Variants in PRKG1 observed in about 807,000 individuals in gnomAD.
PRKG1 encodes the protein protein kinase cGMP-dependent 1, also known as cGMP-dependent protein kinase 1.
Under a neutral mutation model 88.1 loss-of-function variants are expected in PRKG1, and 35 were observed. The observed-to-expected ratio is 0.40, with a 90% CI of 0.30 to 0.53. PRKG1 has a LOEUF of 0.53. Among genes scored for constraint, PRKG1 ranks in the 20% least tolerant of loss-of-function variants. The pLI, the probability that PRKG1 is intolerant of heterozygous loss-of-function variation, is 0.59. For synonymous variants in PRKG1, 303 were observed against 292.5 expected (o/e 1.04, Z -0.37); for missense variants, 540 against 839.8 (o/e 0.64, Z 4.41).
At chr10:51,045,787 G>T (rs1268621992) in intron 1 of PRKG1, among the ~76,000 whole-genome samples, 1 of 151,994 alleles carries the variant, frequency 6.6e-6, no homozygotes, top group Non-Finnish European at 1.5e-5. Context: ...TAGCCAGAAA[G>T]GATTCAAAAT....
chr10:52,230,332 A>G (rs1006096817), intron 9 of PRKG1, among the ~76,000 whole-genome samples: 1 of 152,262 alleles, frequency 6.6e-6, no homozygotes, highest in East Asian at 1.9e-4. Flanking sequence ...TAGTATTAAC[A>G]AAACAGTACA....
intron 3 of PRKG1, among the ~76,000 whole-genome samples, chr10:51,498,110 T>C (rs938668984): frequency 1.3e-5 from 2 of 152,134 alleles, no homozygotes; most frequent in African/African-American, 4.8e-5. Flanking sequence ...TTAACAAATA[T>C]TTGGAGAACC....
intron 7 of PRKG1, among the ~76,000 whole-genome samples, chr10:52,118,777 AT>A (rs1309035973): frequency 1.3e-5 from 2 of 152,076 alleles, no homozygotes; most frequent in Non-Finnish European, 2.9e-5. Context: ...GATGCACTAA[AT>A]GATAAAGTCA....
chr10:51,449,568 C>T (rs1170143729), intron 2 of PRKG1, among the ~76,000 whole-genome samples: 1 of 73,120 alleles, frequency 1.4e-5, no homozygotes, highest in Non-Finnish European at 2.9e-5. Flanking sequence ...ATTACTATTT[C>T]CTGTGCTGCT....
intron 2 of PRKG1, among the ~76,000 whole-genome samples, chr10:51,452,553 T>C (rs1484825299): frequency 6.6e-6 from 1 of 151,980 alleles, no homozygotes; most frequent in Non-Finnish European, 1.5e-5. Flanking sequence ...GATGATCATA[T>C]GATTTTTGTT....
intron 2 of PRKG1, among the ~76,000 whole-genome samples, chr10:51,431,514 G>C (rs1222896953): frequency 6.6e-6 from 1 of 152,170 alleles, no homozygotes; most frequent in Non-Finnish European, 1.5e-5. Context: ...ATATTGGCTT[G>C]CTGGGTGAGA....
At chr10:51,103,476 C>T (rs1844736792) in intron 1 of PRKG1, among the ~76,000 whole-genome samples, 2 of 152,150 alleles carry the variant, frequency 1.3e-5, no homozygotes. Flanking sequence ...AATTTCCCAA[C>T]ATAGAATTCC....
chr10:51,114,650 T>A (rs9299464), intron 1 of PRKG1, among the ~76,000 whole-genome samples: 120,731 of 151,582 alleles, frequency 0.8, 48,638 homozygotes, highest in South Asian at 0.87. Flanking sequence ...GTATTCTAAG[T>A]GGTCATTTAC....
intron 1 of PRKG1, among the ~76,000 whole-genome samples, chr10:51,148,635 T>G (rs1390179863): frequency 6.6e-6 from 1 of 152,044 alleles, no homozygotes; most frequent in Non-Finnish European, 1.5e-5. Context: ...GTTCTTGAAA[T>G]TGAGATGAGA....
At chr10:51,423,582 T>C (rs950290241) in intron 2 of PRKG1, among the ~76,000 whole-genome samples, 18 of 152,208 alleles carry the variant, frequency 1.2e-4, no homozygotes, top group African/African-American at 3.6e-4. Context: ...ATTGAATTTA[T>C]TTTTCAATTT....
rs138338909 is a variant in PRKG1, at chr10:52,017,641, C to G, written c.763-36843C>G. ...ATAGATAAAAAGTTTAGATATGATA[C>G]TTGCAAAATGCCTAGTAATTATCCA... On this transcript the variant is annotated intron_variant, in intron 5 of 17. Coordinates refer to ENST00000373980, the MANE Select transcript of PRKG1 (RefSeq NM_006258.4). Among the ~76,000 whole-genome samples the G allele has an allele frequency of 7.2e-3, 1,098 of 152,240 alleles. 13 individuals carry two copies. Among genetic ancestry groups the G allele is most frequent in the Admixed American group, 0.02 (299 of 15,282 alleles).
chr10:52,116,806 T>C (rs2132601840), intron 7 of PRKG1, among the ~76,000 whole-genome samples: 1 of 152,266 alleles, frequency 6.6e-6, no homozygotes, highest in South Asian at 2.1e-4. Context: ...CTTCCCAAAA[T>C]TAGCCCTGTC....
At position 51,326,307 on chromosome 10, in the gene PRKG1, A is replaced by G. The variant is rs574827810; in HGVS notation, c.479-141416A>G. Among the ~76,000 whole-genome samples the G allele has an allele frequency of 9.8e-5, 15 of 152,356 alleles. No individual in the cohort carries two copies. In the South Asian group the frequency reaches 2.7e-3, roughly 27 times the overall value. On this transcript the variant is annotated intron_variant, in intron 2 of 17. Coordinates refer to ENST00000373980, the MANE Select transcript of PRKG1 (RefSeq NM_006258.4). ...CATTTCAGTTTTCAAGTCAACTTGCAAATTTTTCAAGTGACAGCACTTTTG... is the reference window on the plus strand; with the variant it reads ...CATTTCAGTTTTCAAGTCAACTTGCGAATTTTTCAAGTGACAGCACTTTTG...
At chr10:51,902,250 G>A (rs546384216) in intron 4 of PRKG1, among the ~76,000 whole-genome samples, 1 of 152,042 alleles carries the variant, frequency 6.6e-6, no homozygotes, top group Admixed American at 6.6e-5. Flanking sequence ...CCAAACACCT[G>A]GGATTACAGG....
intron 8 of PRKG1, among the ~76,000 whole-genome samples, chr10:52,158,977 A>G (rs989683471): frequency 6.6e-6 from 1 of 151,640 alleles, no homozygotes; most frequent in South Asian, 2.1e-4. Context: ...AAATAAAAGT[A>G]AATACTTATG....
intron 3 of PRKG1, among the ~76,000 whole-genome samples, chr10:51,793,133 C>T (rs1293229788): frequency 1.3e-5 from 1 of 76,058 alleles, no homozygotes; most frequent in East Asian, 3.3e-4. Context: ...AAGGTCAGCA[C>T]ACTGCAAAAA....
chr10:51,507,778 G>T (rs928040497), intron 3 of PRKG1, among the ~76,000 whole-genome samples: 3 of 152,200 alleles, frequency 2.0e-5, no homozygotes, highest in African/African-American at 7.2e-5. Context: ...GGAAAAGGAA[G>T]GCTAGAGCTC....
intron 2 of PRKG1, among the ~76,000 whole-genome samples, chr10:51,329,218 A>G (rs962430524): frequency 1.3e-5 from 2 of 152,102 alleles, no homozygotes; most frequent in African/African-American, 4.8e-5. Context: ...TAAGTATTTA[A>G]ATCATTTTTA....
At chr10:51,683,957 T>C (rs1393056876) in intron 3 of PRKG1, among the ~76,000 whole-genome samples, 1 of 152,166 alleles carries the variant, frequency 6.6e-6, no homozygotes, top group Non-Finnish European at 1.5e-5. Flanking sequence ...GTTTGGTCGT[T>C]TTGGAAAACA....
Sources: allele counts gnomAD v4.1 joint callset (sites outside exome capture counted in the v4.1 genomes callset), GRCh38; gene constraint gnomAD v4.1.1; transcripts MANE v1.5; gene names NCBI Gene and HGNC (gene_info 2026-07-23, HGNC 2026-07-21).